The following ANKRD11 variants were observed in gnomAD, a reference collection of about 807,000 sequenced individuals.
ANKRD11 encodes ankyrin repeat domain 11, also known as ankyrin repeat domain-containing protein 11.
ANKRD11 carries 17 observed loss-of-function variants against 195.7 expected under a neutral mutation model. That is an observed-to-expected ratio of 0.09 (90% CI 0.06 to 0.13). ANKRD11 has a LOEUF of 0.13. ANKRD11 is among the 10% of genes least tolerant of loss of function. The pLI, the probability that ANKRD11 is intolerant of heterozygous loss-of-function variation, is 1.00. For missense variants in ANKRD11, 3,735 were observed against 3,566.1 expected (o/e 1.05, Z -1.21); for synonymous variants, 1,953 against 1,528.1 (o/e 1.28, Z -6.49).
At chr16:89,392,932 T>C (rs113310045) in intron 2 of ANKRD11, among the ~76,000 whole-genome samples, 2 of 152,100 alleles carry the variant, frequency 1.3e-5, no homozygotes, top group African/African-American at 4.8e-5. Flanking sequence ...GCATCTGAAA[T>C]GAGTGAGTGA....
intron 2 of ANKRD11, among the ~76,000 whole-genome samples, chr16:89,393,890 A>G (rs2041311696): frequency 6.6e-6 from 1 of 152,214 alleles, no homozygotes. Context: ...AATGTGTCAA[A>G]AAACAAAAGC....
At chr16:89,445,193 T>C (rs991312572) in intron 1 of ANKRD11, among the ~76,000 whole-genome samples, 2 of 152,250 alleles carry the variant, frequency 1.3e-5, no homozygotes, top group Admixed American at 6.5e-5. Flanking sequence ...CCCTTATCCA[T>C]GTGGCTTGTT....
At chr16:89,288,195 G>C (rs1019762351) in intron 7 of ANKRD11, 8 of 611,014 alleles carry the variant, frequency 1.3e-5, no homozygotes, top group Middle Eastern at 8.6e-4. Context: ...GTCCCACAGT[G>C]GTGACGGGGA....
At chr16:89,277,353 G>A (rs888287684) in intron 9 of ANKRD11, 9 of 152,274 alleles carry the variant, frequency 5.9e-5, no homozygotes, top group African/African-American at 1.7e-4. Flanking sequence ...CTGGCACCTG[G>A]GCCTGCCTGG....
At chr16:89,445,917 G>A (rs1050389128) in intron 1 of ANKRD11, among the ~76,000 whole-genome samples, 30 of 151,508 alleles carry the variant, frequency 2.0e-4, no homozygotes, top group Admixed American at 1.3e-3. Context: ...TGTGGTGAGC[G>A]GAGATCGTGC....
chr16:89,286,255 A>G, intron 7 of ANKRD11, 69 bp from the exon 8 acceptor site: 1 of 1,594,842 alleles, frequency 6.3e-7, no homozygotes, highest in East Asian at 2.2e-5. Context: ...TCCGCATAAC[A>G]CGGCAGCCCC....
chr16:89,378,951 G>A (rs991493529), intron 2 of ANKRD11, among the ~76,000 whole-genome samples: 4 of 152,234 alleles, frequency 2.6e-5, no homozygotes, highest in Non-Finnish European at 5.9e-5. Context: ...TTCCAAGGCT[G>A]AAGACCTTTT....
At chr16:89,313,171 C>T in intron 3 of ANKRD11, 1 of 833,352 alleles carries the variant, frequency 1.2e-6, no homozygotes, top group Admixed American at 3.4e-5. Flanking sequence ...TGAGAACCAC[C>T]AAGTGAAGCT....
At position 89,291,618 on chromosome 16, in the gene ANKRD11, A is replaced by G. The variant is rs962667094; in HGVS notation, c.227-435T>C. 8.3e-6 allele frequency: 10 copies of G among 1,198,344 alleles called. No homozygotes were observed. The African/African-American group carries it at 1.6e-4, about 19-fold the overall frequency. The allele number at this position is 1,198,344 out of a possible 1,614,324, so 74.2% of individuals were successfully genotyped here. On this transcript the variant is annotated intron_variant, in intron 4 of 12. Transcript: ENST00000301030. This position sits in a 1 kb window ranked among gnomAD's most constrained non-coding sequence, Gnocchi z 5.3. ...CGTCCCTCCTCCAAACAGTGCAGAT[A>G]TAAAATGGCAGACACAGTTTAAAAC...
chr16:89,413,897 C>G (rs2042195523), intron 2 of ANKRD11, among the ~76,000 whole-genome samples: 1 of 152,156 alleles, frequency 6.6e-6, no homozygotes, highest in Non-Finnish European at 1.5e-5. Flanking sequence ...GAGGGTGGTA[C>G]CAAAAACAGC....
intron 6 of ANKRD11, chr16:89,289,116 C>T (rs376359146): frequency 1.5e-5 from 4 of 264,130 alleles, no homozygotes; most frequent in South Asian, 8.1e-5. Context: ...GCTCCAGGGG[C>T]GCCCAGGCTC....
chr16:89,295,557 G>A (rs1383899294), intron 4 of ANKRD11, among the ~76,000 whole-genome samples: 1 of 152,248 alleles, frequency 6.6e-6, no homozygotes, highest in African/African-American at 2.4e-5. Context: ...TGGTGCTGGT[G>A]CTGCTGGAGC....
chr16:89,360,517 T>C (rs1207328995), intron 2 of ANKRD11: 2 of 152,216 alleles, frequency 1.3e-5, no homozygotes, highest in East Asian at 3.8e-4. Flanking sequence ...AACCATGGAT[T>C]ATTGTTATGT....
chr16:89,336,953 T>G (rs2038387358), intron 2 of ANKRD11, among the ~76,000 whole-genome samples: 1 of 142,140 alleles, frequency 7.0e-6, no homozygotes, highest in Non-Finnish European at 1.5e-5. Context: ...GTGGATTGCT[T>G]GAGCTCAGGA....
chr16:89,353,710 C>G (rs1261780452), intron 2 of ANKRD11, among the ~76,000 whole-genome samples: 1 of 152,208 alleles, frequency 6.6e-6, no homozygotes, highest in Non-Finnish European at 1.5e-5. Flanking sequence ...GAACTCCTGA[C>G]CTCAGCTGAT....
rs201376347 is a variant in ANKRD11 at position 89,283,709 on chromosome 16, C to T, written c.2833G>A (p.Ala945Thr). 39 of 1,613,588 alleles carry T rather than the reference C, an allele frequency of 2.4e-5. No homozygotes were observed. The highest frequency in any genetic ancestry group is 3.3e-4 in the Middle Eastern group (2 of 6,062). Reference sequence around the variant, plus strand: ...TCCTTTCTGTCCCGCCCGGCCTCTGCGGACTCTCTCCTCTTCTTGTCCTTT... The same window carrying T: ...TCCTTTCTGTCCCGCCCGGCCTCTGTGGACTCTCTCCTCTTCTTGTCCTTT... ...SEKDKKRRES[A>T]EAGRDRKDAL... The change falls in exon 9 of 13, where the codon GCA (alanine) becomes ACA (threonine). Residue 945 changes from alanine (A) to threonine (T), a missense_variant. Ala to Thr is a moderately conservative substitution (Grantham distance 58). Transcript: ENST00000301030. This position sits in a 1 kb window ranked among gnomAD's most constrained non-coding sequence, Gnocchi z 4.3.
At chr16:89,330,842 A>T (rs1296661998) in intron 2 of ANKRD11, among the ~76,000 whole-genome samples, 1 of 152,174 alleles carries the variant, frequency 6.6e-6, no homozygotes, top group Non-Finnish European at 1.5e-5. Flanking sequence ...GACACTCTTT[A>T]AACTTCCCCC....
chr16:89,364,979 T>G (rs916914487), intron 2 of ANKRD11, among the ~76,000 whole-genome samples: 1 of 152,240 alleles, frequency 6.6e-6, no homozygotes, highest in Non-Finnish European at 1.5e-5. Flanking sequence ...AATTTTGGCA[T>G]GGAAATCACA....
chr16:89,404,072 C>A (rs888141503), intron 2 of ANKRD11, among the ~76,000 whole-genome samples: 4 of 152,192 alleles, frequency 2.6e-5, no homozygotes, highest in Admixed American at 2.6e-4. Flanking sequence ...ACTCTCAGAG[C>A]AAACGCTGCA....
Sources: allele counts gnomAD v4.1 joint callset (sites outside exome capture counted in the v4.1 genomes callset), GRCh38; gene constraint gnomAD v4.1.1; non-coding constraint Gnocchi (gnomAD v3.1); transcripts MANE v1.5; gene names NCBI Gene and HGNC (gene_info 2026-07-23, HGNC 2026-07-21).